RAD17: variants seen among roughly 807,000 people sequenced by gnomAD.
RAD17 encodes cell cycle checkpoint protein RAD17.
Under a neutral mutation model 81.5 loss-of-function variants are expected in RAD17, and 31 were observed. That is an observed-to-expected ratio of 0.38 (90% CI 0.29 to 0.51). The LOEUF (loss-of-function observed/expected upper bound fraction) is 0.51. RAD17 is among the 20% of genes least tolerant of loss of function. The pLI is 0.88. For synonymous variants in RAD17, 261 were observed against 266.2 expected (o/e 0.98, Z 0.19); for missense variants, 681 against 781.2 (o/e 0.87, Z 1.53).
intron 17 of RAD17, among the ~76,000 whole-genome samples, chr5:69,407,566 T>C (rs1263954356): frequency 2.3e-5 from 2 of 88,666 alleles, no homozygotes; most frequent in East Asian, 6.8e-4. Flanking sequence ...GTCCAAGTTT[T>C]TTTTTTTTTT....
chr5:69,393,907 G>GGTT (rs1764699849), intron 15 of RAD17, among the ~76,000 whole-genome samples: 1 of 48,316 alleles, frequency 2.1e-5, no homozygotes, highest in African/African-American at 6.3e-5. Flanking sequence ...GTGTTATGGT[G>GGTT]GTTTTTTTTT....
intron 7 of RAD17, among the ~76,000 whole-genome samples, chr5:69,382,684 T>C (rs752362701): frequency 3.3e-5 from 5 of 152,208 alleles, no homozygotes; most frequent in Non-Finnish European, 5.9e-5. Context: ...CCCAACAAGA[T>C]AGCTTAGATC....
At position 69,393,214 on chromosome 5, in the gene RAD17, C is replaced by T; in HGVS notation, c.1249C>T (p.Arg417Trp). 3.1e-6 allele frequency: 5 copies of T among 1,610,878 alleles called. No individual in the cohort carries two copies. The highest frequency in any genetic ancestry group is 3.4e-6 in the Non-Finnish European group (4 of 1,177,686). Residue 417 changes from arginine (R) to tryptophan (W), a missense_variant, in exon 14 of 19, where the codon CGG becomes TGG. Coordinates refer to ENST00000354868, the MANE Select transcript of RAD17 (RefSeq NM_133338.3). ...GCCCTCTCATTTATCAGAATATGAACGGGATACATTACTTGTTGAACCTGA... is the reference window on the plus strand; with the variant it reads ...GCCCTCTCATTTATCAGAATATGAATGGGATACATTACTTGTTGAACCTGA... ...RLPSHLSEYE[R>W]DTLLVEPEEV...
intron 11 of RAD17, among the ~76,000 whole-genome samples, chr5:69,388,823 G>C (rs989012694): frequency 5.9e-5 from 9 of 151,926 alleles, no homozygotes; most frequent in African/African-American, 1.5e-4. Flanking sequence ...GCCTAGGCTG[G>C]TCTCAGACTC....
intron 15 of RAD17, among the ~76,000 whole-genome samples, chr5:69,395,712 G>T (rs1037436471): frequency 4.6e-5 from 7 of 151,896 alleles, no homozygotes; most frequent in Non-Finnish European, 1.0e-4. Flanking sequence ...AAAAATGATA[G>T]TACAATGAAT....
At chr5:69,406,911 TCTA>T (rs1427123492) in intron 17 of RAD17, among the ~76,000 whole-genome samples, 12 of 152,220 alleles carry the variant, frequency 7.9e-5, no homozygotes, top group African/African-American at 2.9e-4. Flanking sequence ...CTATAGTCAT[TCTA>T]CTATATATAT....
intron 6 of RAD17, among the ~76,000 whole-genome samples, chr5:69,377,330 G>A (rs1033584765): frequency 1.5e-4 from 23 of 148,936 alleles, no homozygotes; most frequent in Admixed American, 4.1e-4. Context: ...TTCTCACTTA[G>A]CAATACTCTG....
In RAD17 at chr5:69,369,864, T is replaced by C. The variant is rs1023778665; in HGVS notation, c.-486T>C. The C allele has an allele frequency of 4.3e-6, 3 of 694,524 alleles. No homozygotes were observed. Among genetic ancestry groups the C allele is most frequent in the Non-Finnish European group, 4.8e-6 (2 of 412,700 alleles). 43.0% of individuals were successfully genotyped at this position (694,524 alleles called of 1,614,324 possible). On this transcript the variant is annotated 5_prime_UTR_variant, in exon 1 of 19. Transcript: ENST00000354868. ...TTGAGCCCGGGTAGGGCCAGGTGGC[T>C]GCCCTTTCACCTAGGGTAGTCCCTG...
At chr5:69,397,389 G>T (rs1452853086) in intron 16 of RAD17, among the ~76,000 whole-genome samples, 1 of 152,156 alleles carries the variant, frequency 6.6e-6, no homozygotes, top group Admixed American at 6.5e-5. Flanking sequence ...TGATCTGCCC[G>T]CCTTGGCCTC....
rs529725432 is a variant in RAD17 at position 69,385,014 on chromosome 5, C to T, written c.645+81C>T. 22 of 1,224,010 alleles carry T rather than the reference C, an allele frequency of 1.8e-5. No individual in the cohort carries two copies. In the East Asian group the frequency reaches 3.8e-4, roughly 21 times the overall value. The allele number at this position is 1,224,010 out of a possible 1,614,324, so 75.8% of individuals were successfully genotyped here. ...TGTCACTGTCACCCAGGCTGGAGTGCAGTGGCGCGATCTCAGCTCATTGCA... is the reference window on the plus strand; with the variant it reads ...TGTCACTGTCACCCAGGCTGGAGTGTAGTGGCGCGATCTCAGCTCATTGCA... On this transcript the variant is annotated intron_variant, in intron 8 of 18. Coordinates refer to ENST00000354868, the MANE Select transcript of RAD17 (RefSeq NM_133338.3).
chr5:69,391,306 A>G (rs575538975), intron 12 of RAD17, among the ~76,000 whole-genome samples: 6 of 152,314 alleles, frequency 3.9e-5, no homozygotes, highest in African/African-American at 1.4e-4. Context: ...TGCCAAGAAC[A>G]GTATCTTGCA....
At chr5:69,373,683 AAAATTTTTTTTT>A in intron 4 of RAD17, 135 bp from the exon 5 acceptor site, 1 of 503,334 alleles carries the variant, frequency 2.0e-6, no homozygotes, top group African/African-American at 3.3e-5. Flanking sequence ...CGGTCTCAAA[AAAATTTTTTTTT>A]TTTTTTTTTT....
chr5:69,406,460 A>G (rs2150878382), intron 17 of RAD17, among the ~76,000 whole-genome samples: 1 of 152,244 alleles, frequency 6.6e-6, no homozygotes, highest in East Asian at 1.9e-4. Flanking sequence ...TCTATTTTAC[A>G]ACATGGTGAC....
At chr5:69,379,189 T>C (rs10077413) in intron 6 of RAD17, among the ~76,000 whole-genome samples, 75,382 of 151,948 alleles carry the variant, frequency 0.5, 18,747 homozygotes, top group South Asian at 0.54. Context: ...TGAGCTGAGA[T>C]AGTGCCACTG....
At chr5:69,405,200 G>T (rs1765513690) in intron 17 of RAD17, among the ~76,000 whole-genome samples, 1 of 151,956 alleles carries the variant, frequency 6.6e-6, no homozygotes, top group South Asian at 2.1e-4. Flanking sequence ...CAGTATGGAG[G>T]TTCCTTAAAA....
chr5:69,404,185 T>C (rs1765444598), intron 17 of RAD17, among the ~76,000 whole-genome samples: 1 of 152,084 alleles, frequency 6.6e-6, no homozygotes, highest in Non-Finnish European at 1.5e-5. Context: ...CTCTAAGCTG[T>C]TCATATCAAA....
rs114775622 is a variant in RAD17, at chr5:69,371,715, G to A, written c.-176+158G>A. Among the ~76,000 whole-genome samples, 982 of 152,262 alleles carry A rather than the reference G, an allele frequency of 6.4e-3. 3 individuals carry two copies. The highest frequency in any genetic ancestry group is 0.011 in the Non-Finnish European group (739 of 68,020). ...AGTCTGGTAATAAGTTGTGAAACAA[G>A]TGTTCTCTAAAAGCACAACCTTAAT... On this transcript the variant is annotated intron_variant, in intron 3 of 18. Transcript: ENST00000354868.
rs1442111714 is a variant in RAD17 at position 69,414,172 on chromosome 5, T to C, written c.1893T>C (p.Ser631=). The change falls in exon 19 of 19, where the codon TCT becomes TCC. Residue 631 remains serine (S), a synonymous_variant. Coordinates refer to ENST00000354868, the MANE Select transcript of RAD17 (RefSeq NM_133338.3). Reference sequence around the variant, plus strand: ...AAGCCACTGTGCCGGAAACCTGGTCTCTTCCTTTGAGTCAGAATAGTGCCA... The same window carrying C: ...AAGCCACTGTGCCGGAAACCTGGTCCCTTCCTTTGAGTCAGAATAGTGCCA... ...PTQATVPETW[S]LPLSQNSASE... The C allele has an allele frequency of 6.2e-7, 1 of 1,614,244 alleles. No individual in the cohort carries two copies. The highest frequency in any genetic ancestry group is 1.7e-5 in the Admixed American group (1 of 60,024).
Position 69,371,152 on chromosome 5 carries a change from C to A in RAD17, c.-299C>A. On this transcript the variant is annotated 5_prime_UTR_variant, in exon 2 of 19. Coordinates refer to ENST00000354868, the MANE Select transcript of RAD17 (RefSeq NM_133338.3). ...TATAAAAATTGCTCAAATAGAATTG[C>A]CTGATTTTAATGACAAAAGGTAAGT... The A allele has an allele frequency of 2.0e-6, 1 of 488,954 alleles. No individual in the cohort carries two copies. Among genetic ancestry groups the A allele is most frequent in the South Asian group, 1.6e-5 (1 of 63,206 alleles). 30.3% of individuals were successfully genotyped at this position (488,954 alleles called of 1,614,324 possible).
Sources: allele counts gnomAD v4.1 joint callset (sites outside exome capture counted in the v4.1 genomes callset), GRCh38; gene constraint gnomAD v4.1.1; transcripts MANE v1.5; gene names NCBI Gene and HGNC (gene_info 2026-07-23, HGNC 2026-07-21).